CACNA2D3: variants seen among roughly 807,000 people sequenced by gnomAD.
The protein encoded by CACNA2D3 is voltage-dependent calcium channel subunit alpha-2/delta-3.
A neutral mutation model predicts 160.6 loss-of-function variants in CACNA2D3; 60 were observed. That is an observed-to-expected ratio of 0.37 (90% confidence interval 0.30 to 0.46). The LOEUF is 0.46. CACNA2D3 is among the 20% of genes least tolerant of loss of function. CACNA2D3 has a pLI of 1.00. For missense variants in CACNA2D3, 1,205 were observed against 1,365.0 expected (o/e 0.88, Z 1.85); for synonymous variants, 558 against 492.9 (o/e 1.13, Z -1.75).
At chr3:54,321,795 A>G (rs1476632517) in intron 3 of CACNA2D3, among the ~76,000 whole-genome samples, 1 of 152,144 alleles carries the variant, frequency 6.6e-6, no homozygotes, top group Non-Finnish European at 1.5e-5. Context: ...AAGACAGTTC[A>G]GAGGCTCAGA....
At chr3:54,804,785 G>T (rs7630305) in intron 13 of CACNA2D3, among the ~76,000 whole-genome samples, 2,328 of 152,210 alleles carry the variant, frequency 0.015, 63 homozygotes, top group African/African-American at 0.053. Flanking sequence ...TTCCAGAATT[G>T]ACCACATAGT....
intron 29 of CACNA2D3, among the ~76,000 whole-genome samples, chr3:54,971,384 C>CTGTGTGTGTG (rs1559451141): frequency 6.6e-6 from 1 of 152,126 alleles, no homozygotes; most frequent in African/African-American, 2.4e-5. Context: ...TCTCGAGGCC[C>CTGTGTGTGTG]TGTGTTAAGC....
intron 11 of CACNA2D3, among the ~76,000 whole-genome samples, chr3:54,731,770 C>T (rs58295654): frequency 6.6e-6 from 1 of 151,684 alleles, no homozygotes; most frequent in African/African-American, 2.4e-5. Flanking sequence ...TGTCTGAGTT[C>T]TCTGATTTTA....
chr3:54,203,621 G>A (rs1701215618), intron 2 of CACNA2D3, among the ~76,000 whole-genome samples: 1 of 152,234 alleles, frequency 6.6e-6, no homozygotes, highest in Non-Finnish European at 1.5e-5. Flanking sequence ...CCAGAAGGGA[G>A]ATGGTTTTCC....
chr3:54,249,623 G>A (rs982694762), intron 2 of CACNA2D3, among the ~76,000 whole-genome samples: 1 of 134,296 alleles, frequency 7.4e-6, no homozygotes, highest in South Asian at 2.4e-4. Flanking sequence ...CTCAGTAATC[G>A]TGACAACCAG....
At chr3:54,224,384 T>C (rs1390541421) in intron 2 of CACNA2D3, among the ~76,000 whole-genome samples, 1 of 152,234 alleles carries the variant, frequency 6.6e-6, no homozygotes, top group Non-Finnish European at 1.5e-5. Context: ...CATTATCAAG[T>C]ATTATGTACT....
At chr3:54,343,790 A>G (rs1345768000) in intron 3 of CACNA2D3, among the ~76,000 whole-genome samples, 3 of 152,210 alleles carry the variant, frequency 2.0e-5, no homozygotes, top group South Asian at 4.1e-4. Context: ...GAGCCAGAGT[A>G]GTGATTTCTA....
At chr3:54,464,789 C>T (rs958590322) in intron 4 of CACNA2D3, among the ~76,000 whole-genome samples, 20 of 152,332 alleles carry the variant, frequency 1.3e-4, no homozygotes, top group Middle Eastern at 6.8e-3. Context: ...CACTGTCCTG[C>T]GCCCACTGTC....
At chr3:54,664,757 TCA>T (rs1402917796) in intron 11 of CACNA2D3, among the ~76,000 whole-genome samples, 1 of 152,214 alleles carries the variant, frequency 6.6e-6, no homozygotes, top group Non-Finnish European at 1.5e-5. Context: ...GCAGGGGGAC[TCA>T]GAGGCTGGTG....
chr3:54,671,061 CAA>C (rs147739056), intron 11 of CACNA2D3, among the ~76,000 whole-genome samples: 5,568 of 152,078 alleles, frequency 0.037, 143 homozygotes, highest in Non-Finnish European at 0.052. Context: ...TGTAAACAAA[CAA>C]ACAAAAAACA....
chr3:54,456,169 C>T lies in CACNA2D3; in HGVS notation c.382-47323C>T, dbSNP rs570894570. 4.6e-5 allele frequency among the ~76,000 whole-genome samples: 7 copies of T among 152,024 alleles called. No individual in the cohort carries two copies. The South Asian group carries it at 6.2e-4, about 14-fold the overall frequency. ...TGGTCATTTTAACAAAGTAATTCTTCGGTATATTCATGAGGCTGGGATGTC... is the reference window on the plus strand; with the variant it reads ...TGGTCATTTTAACAAAGTAATTCTTTGGTATATTCATGAGGCTGGGATGTC... On this transcript the variant is annotated intron_variant, in intron 4 of 37. Coordinates refer to ENST00000474759, the MANE Select transcript of CACNA2D3 (RefSeq NM_018398.3).
At position 54,460,449 on chromosome 3, in the gene CACNA2D3, A is replaced by C. The variant is rs530292569; in HGVS notation, c.382-43043A>C. ...ATTTGTTTGTATCCTCATTTATTTC[A>C]TTGAGCAGTGGTTTGTAGTTCTCCT... On this transcript the variant is annotated intron_variant, in intron 4 of 37. Transcript: ENST00000474759. Among the ~76,000 whole-genome samples the C allele has an allele frequency of 2.0e-3, 299 of 151,858 alleles. 4 individuals carry two copies. In the South Asian group the frequency reaches 0.039, roughly 20 times the overall value.
chr3:54,954,770 C>A (rs1332217126), intron 27 of CACNA2D3, among the ~76,000 whole-genome samples: 1 of 152,180 alleles, frequency 6.6e-6, no homozygotes, highest in Non-Finnish European at 1.5e-5. Flanking sequence ...TCCTCCCTTC[C>A]CTGAGGCCTT....
chr3:54,859,972 G>GCGCACACA (rs535185040), intron 17 of CACNA2D3, among the ~76,000 whole-genome samples: 37 of 133,884 alleles, frequency 2.8e-4, no homozygotes, highest in East Asian at 1.6e-3. Flanking sequence ...GAAAGTAGAT[G>GCGCACACA]CACACACACA....
chr3:54,602,295 A>C (rs142460193), intron 9 of CACNA2D3, among the ~76,000 whole-genome samples: 1,792 of 152,152 alleles, frequency 0.012, 43 homozygotes, highest in African/African-American at 0.041. Context: ...GTCAGGAGTT[A>C]GAGACCAGCC....
At chr3:54,339,039 C>T (rs879887433) in intron 3 of CACNA2D3, among the ~76,000 whole-genome samples, 1 of 152,146 alleles carries the variant, frequency 6.6e-6, no homozygotes, top group Non-Finnish European at 1.5e-5. Flanking sequence ...CCTGGAAGTT[C>T]GGTTCGTTAT....
At chr3:54,677,553 G>C (rs1415419705) in intron 11 of CACNA2D3, among the ~76,000 whole-genome samples, 1 of 149,468 alleles carries the variant, frequency 6.7e-6, no homozygotes, top group African/African-American at 2.5e-5. Context: ...AGAGTGAGTA[G>C]ATGAAAATTT....
At chr3:55,007,885 T>C in intron 33 of CACNA2D3, 43 bp downstream of exon 33, 1 of 1,356,664 alleles carries the variant, frequency 7.4e-7, no homozygotes, top group Non-Finnish European at 1.0e-6. Context: ...TATTAATATT[T>C]TCCTTTTTGT....
intron 11 of CACNA2D3, among the ~76,000 whole-genome samples, chr3:54,744,687 G>T (rs780563959): frequency 9.9e-5 from 15 of 152,234 alleles, no homozygotes; most frequent in Non-Finnish European, 2.2e-4. Flanking sequence ...CTTCTGGGCA[G>T]GCTGAGGGAA....
Sources: allele counts gnomAD v4.1 joint callset (sites outside exome capture counted in the v4.1 genomes callset), GRCh38; gene constraint gnomAD v4.1.1; transcripts MANE v1.5; gene names NCBI Gene and HGNC (gene_info 2026-07-23, HGNC 2026-07-21).